MARCHF11: variants seen among roughly 807,000 people sequenced by gnomAD.
MARCHF11 encodes the protein E3 ubiquitin-protein ligase MARCHF11.
A neutral mutation model predicts 37.3 loss-of-function variants in MARCHF11; 29 were observed. The observed-to-expected ratio is 0.78, with a 90% confidence interval of 0.58 to 1.06. The LOEUF (loss-of-function observed/expected upper bound fraction) is 1.06, where lower values mean the gene tolerates loss of function less well. Ranked by LOEUF, MARCHF11 falls within the 50% of genes least tolerant of loss-of-function variation. The probability of loss-of-function intolerance (pLI) is 0.00; values close to 1 mark genes in which losing one functional copy is unlikely to be tolerated. For synonymous variants in MARCHF11, 233 were observed against 228.0 expected, an observed-to-expected ratio of 1.02 and a Z score of -0.20; for missense variants, 482 against 533.4, an observed-to-expected ratio of 0.90 and a Z score of 0.95.
intron 3 of MARCHF11, among the ~76,000 whole-genome samples, chr5:16,084,340 A>G (rs112801374): frequency 0.027 from 4,134 of 152,308 alleles, 174 homozygotes; most frequent in African/African-American, 0.094. Context: ...GGCTATAATA[A>G]TAACTGTAAG....
intron 2 of MARCHF11, among the ~76,000 whole-genome samples, chr5:16,109,562 G>C (rs10064270): frequency 0.24 from 36,077 of 152,188 alleles, 4,858 homozygotes; most frequent in African/African-American, 0.36. Context: ...GGCTGTTCCT[G>C]AGTCGTATCC....
intron 2 of MARCHF11, among the ~76,000 whole-genome samples, chr5:16,095,806 C>T (rs757220301): frequency 1.2e-4 from 19 of 152,080 alleles, no homozygotes; most frequent in Non-Finnish European, 2.2e-4. Context: ...TAGCCGTGTC[C>T]GTCCCCATTG....
At position 16,067,788 on chromosome 5, in the gene MARCHF11, T is replaced by A; in HGVS notation, c.892A>T (p.Ile298Phe). ...GFMDLVCIGL[I>F]VHEGAAVYRV... ...TAAACTGCAGCTCCTTCATGAACAA[T>A]GAGACCTAAAATTTGAGAAAATAAA... Residue 298 changes from isoleucine (I) to phenylalanine (F), a missense_variant, in exon 4 of 4, where the codon ATT becomes TTT. Coordinates refer to ENST00000332432, the MANE Select transcript of MARCHF11 (RefSeq NM_001102562.3). 6.2e-7 allele frequency: 1 copy of A among 1,604,994 alleles called. No individual in the cohort carries two copies. The highest frequency in any genetic ancestry group is 8.5e-7 in the Non-Finnish European group (1 of 1,175,012).
chr5:16,158,658 G>A (rs1738018373), intron 2 of MARCHF11, among the ~76,000 whole-genome samples: 1 of 151,938 alleles, frequency 6.6e-6, no homozygotes, highest in South Asian at 2.1e-4. Context: ...GAGATCTATT[G>A]TGCAACATGT....
chr5:16,103,716 C>G (rs1736994978), intron 2 of MARCHF11, among the ~76,000 whole-genome samples: 1 of 152,144 alleles, frequency 6.6e-6, no homozygotes, highest in Non-Finnish European at 1.5e-5. Context: ...GGCTCTGTGT[C>G]AATTCCAAAC....
intron 2 of MARCHF11, among the ~76,000 whole-genome samples, chr5:16,157,756 C>T (rs1738001103): frequency 6.6e-6 from 1 of 151,788 alleles, no homozygotes; most frequent in Non-Finnish European, 1.5e-5. Context: ...AGAGGAAAAC[C>T]TCCAAGAGAT....
At chr5:16,120,273 A>T (rs1411128060) in intron 2 of MARCHF11, among the ~76,000 whole-genome samples, 1 of 152,226 alleles carries the variant, frequency 6.6e-6, no homozygotes, top group Admixed American at 6.5e-5. Flanking sequence ...ACTCAAGATG[A>T]CTGAAAGAGT....
chr5:16,142,768 C>T (rs1420908794), intron 2 of MARCHF11, among the ~76,000 whole-genome samples: 3 of 148,886 alleles, frequency 2.0e-5, no homozygotes, highest in Non-Finnish European at 3.0e-5. Flanking sequence ...CTCGGCTCAC[C>T]GCAACCTCCG....
intron 3 of MARCHF11, among the ~76,000 whole-genome samples, chr5:16,084,993 A>AGTGT (rs59143481): frequency 1.5e-4 from 22 of 150,388 alleles, no homozygotes; most frequent in South Asian, 6.3e-4. Context: ...GATCAGAGTG[A>AGTGT]GTGTGTGTGT....
intron 2 of MARCHF11, among the ~76,000 whole-genome samples, chr5:16,104,995 C>G (rs888537158): frequency 1.3e-5 from 2 of 152,196 alleles, no homozygotes; most frequent in African/African-American, 4.8e-5. Flanking sequence ...ATAGCTGTAA[C>G]TTTTCTTCAA....
At chr5:16,125,478 C>A (rs1737387824) in intron 2 of MARCHF11, among the ~76,000 whole-genome samples, 1 of 152,080 alleles carries the variant, frequency 6.6e-6, no homozygotes, top group African/African-American at 2.4e-5. Context: ...ATTAACTTCC[C>A]AGTAATGTTT....
intron 2 of MARCHF11, among the ~76,000 whole-genome samples, chr5:16,097,922 G>A (rs137993617): frequency 2.6e-5 from 4 of 152,232 alleles, no homozygotes; most frequent in East Asian, 1.9e-4. Context: ...TTATGAGCAC[G>A]GATGAGAAGA....
At chr5:16,096,174 A>G (rs770238797) in intron 2 of MARCHF11, among the ~76,000 whole-genome samples, 11 of 152,216 alleles carry the variant, frequency 7.2e-5, no homozygotes, top group Non-Finnish European at 1.0e-4. Context: ...ACACGGGCTC[A>G]GTCATACCTA....
At position 16,179,441 on chromosome 5, in the gene MARCHF11, G is replaced by A. The variant is rs1167882750; in HGVS notation, c.135C>T (p.Ala45=). 72 of 1,114,516 alleles carry A rather than the reference G, an allele frequency of 6.5e-5. 2 individuals are homozygous for A. The highest frequency in any genetic ancestry group is 7.5e-5 in the Non-Finnish European group (69 of 914,228). The allele number at this position is 1,114,516 out of a possible 1,614,324, so 69.0% of individuals were successfully genotyped here. Residue 45 remains alanine, a synonymous_variant, in exon 1 of 4, where the codon GCC becomes GCT. Transcript: ENST00000332432. ...CGGGCAGCGGCGGCAGGTAGCGCGG[G>A]GCCGCGGGGACCGGGGCCGGCTCTC... ...PPGEPAPVPA[A]PRYLPPLPAS...
chr5:16,132,961 ACG>A (rs1737542325), intron 2 of MARCHF11, among the ~76,000 whole-genome samples: 2 of 152,178 alleles, frequency 1.3e-5, no homozygotes, highest in African/African-American at 4.8e-5. Flanking sequence ...AAAAATAAAG[ACG>A]TAGTGAAGGA....
Position 16,179,276 on chromosome 5 carries a change from G to T in MARCHF11, c.300C>A (p.Gly100=). The T allele has an allele frequency of 7.7e-7, 1 of 1,300,870 alleles. No individual in the cohort carries two copies. The highest frequency in any genetic ancestry group is 3.4e-5 in the East Asian group (1 of 29,770). The allele number at this position is 1,300,870 out of a possible 1,614,324, so 80.6% of individuals were successfully genotyped here. Residue 100 remains glycine (G), a synonymous_variant, in exon 1 of 4, where the codon GGC becomes GGA. Transcript: ENST00000332432. The part of the protein sequence containing the change: ...QPAGQEVAAA[G]DSGEGPRRLP... ...GGCGCCTCGGACCTTCCCCGGAGTC[G>T]CCGGCCGCCGCCACTTCCTGGCCGG...
In MARCHF11 at chr5:16,171,074, C is replaced by T. The variant is rs140319671; in HGVS notation, c.693+6652G>A. ...GAAGCAATGGTTTTAATATTTAATA[C>T]GGAAAAGTTAATAGCATTTCTTTTA... On this transcript the variant is annotated intron_variant, in intron 2 of 3. Coordinates refer to ENST00000332432, the MANE Select transcript of MARCHF11 (RefSeq NM_001102562.3). Among the ~76,000 whole-genome samples, 583 of 152,096 alleles carry T rather than the reference C, an allele frequency of 3.8e-3. 2 individuals are homozygous for T. Among genetic ancestry groups the T allele is most frequent in the African/African-American group, 0.013 (556 of 41,498 alleles).
intron 2 of MARCHF11, among the ~76,000 whole-genome samples, chr5:16,148,287 T>C (rs1045374598): frequency 3.3e-5 from 5 of 152,114 alleles, no homozygotes; most frequent in African/African-American, 1.2e-4. Context: ...TGTAAAACCA[T>C]ATAGACATCA....
intron 2 of MARCHF11, among the ~76,000 whole-genome samples, chr5:16,116,426 C>A (rs546827934): frequency 1.4e-4 from 21 of 152,304 alleles, no homozygotes; most frequent in African/African-American, 4.6e-4. Context: ...TTTCATCAAA[C>A]AACTCTGAAT....
Sources: gnomAD v4.1 joint callset for allele counts (sites outside exome capture counted in the v4.1 genomes callset) on GRCh38, gnomAD v4.1.1 for gene constraint, MANE v1.5 for transcripts, NCBI Gene and HGNC (gene_info 2026-07-23, HGNC 2026-07-21) for gene names.